Variants in BTN3A2 observed in about 807,000 individuals in gnomAD.
BTN3A2 encodes butyrophilin subfamily 3 member A2, also known as butyrophilin protein.
A neutral mutation model predicts 37.6 loss-of-function variants in BTN3A2; 25 were observed. That is an observed-to-expected ratio of 0.66 (90% CI 0.48 to 0.93). The LOEUF (loss-of-function observed/expected upper bound fraction) is 0.93. BTN3A2 is among the 40% of genes least tolerant of loss of function. BTN3A2 has a pLI of 0.00. For synonymous variants in BTN3A2, 122 were observed against 159.4 expected (o/e 0.77, Z 1.77); for missense variants, 266 against 410.9 (o/e 0.65, Z 3.05).
rs766189393 is a variant in BTN3A2, at chr6:26,377,880, C to T, written c.*2118C>T. The T allele has an allele frequency of 1.1e-4, 17 of 152,846 alleles. No homozygotes were observed. The highest frequency in any genetic ancestry group is 1.2e-4 in the Non-Finnish European group (8 of 68,576). The allele number at this position is 152,846 out of a possible 1,614,324, so 9.5% of individuals were successfully genotyped here. On this transcript the variant is annotated 3_prime_UTR_variant, in exon 11 of 11. Coordinates refer to ENST00000377708, the MANE Select transcript of BTN3A2 (RefSeq NM_007047.5). ...CAGAGTGTCTTGGTTGAGAGAATAA[C>T]GTTGCAGTTCCCACAGGGCATGTGA... is the stretch of plus-strand genomic sequence containing the variant.
At chr6:26,373,686 C>G in intron 8 of BTN3A2, 1 of 359,752 alleles carries the variant, frequency 2.8e-6, no homozygotes, top group South Asian at 1.3e-4. Flanking sequence ...CAGGGGTACA[C>G]TTCAAAAGGA....
chr6:26,375,322 C>T (rs1274906954), intron 10 of BTN3A2: 2 of 333,770 alleles, frequency 6.0e-6, no homozygotes, highest in Non-Finnish European at 1.1e-5. Flanking sequence ...GGAGCTGTCT[C>T]CACCCCTAGC....
intron 10 of BTN3A2, 121 bp downstream of exon 10, chr6:26,374,919 G>C: frequency 9.8e-7 from 1 of 1,022,082 alleles, no homozygotes; most frequent in South Asian, 1.6e-5. Flanking sequence ...TCCTTCGTGG[G>C]TAGGAAGACG....
intron 8 of BTN3A2, 100 bp downstream of exon 8, chr6:26,373,513 T>C (rs958285795): frequency 4.2e-5 from 58 of 1,384,034 alleles, no homozygotes; most frequent in Non-Finnish European, 5.4e-5. Context: ...TGAAAAGTGG[T>C]CTTGGATCCC....
chr6:26,370,733 C>T (rs1760028903), intron 5 of BTN3A2, 130 bp downstream of exon 5: 1 of 1,455,216 alleles, frequency 6.9e-7, no homozygotes. Flanking sequence ...GACCTGGAGG[C>T]TCCTCTTTGT....
At chr6:26,367,463 A>C (rs1581535660) in intron 1 of BTN3A2, among the ~76,000 whole-genome samples, 1 of 152,240 alleles carries the variant, frequency 6.6e-6, no homozygotes, top group Non-Finnish European at 1.5e-5. Context: ...CCCATGACTG[A>C]GATCATCAAG....
rs1451866567 is a variant in BTN3A2, at chr6:26,372,877, T to C, written c.716-20T>C. ...GCTGAGCGCACCAGCGCCCATGACCTACAGCTCTCCCCTTCGCAGACCCCT... is the reference window on the plus strand; with the variant it reads ...GCTGAGCGCACCAGCGCCCATGACCCACAGCTCTCCCCTTCGCAGACCCCT... On this transcript the variant is annotated intron_variant, in intron 5 of 10. Coordinates refer to ENST00000377708, the MANE Select transcript of BTN3A2 (RefSeq NM_007047.5). 1.4e-5 allele frequency: 22 copies of C among 1,612,552 alleles called. No individual in the cohort carries two copies. Among genetic ancestry groups the C allele is most frequent in the Non-Finnish European group, 1.9e-5 (22 of 1,179,934 alleles).
At position 26,376,577 on chromosome 6, in the gene BTN3A2, T is replaced by C. The variant is rs1760728591; in HGVS notation, c.*815T>C. On this transcript the variant is annotated 3_prime_UTR_variant, in exon 11 of 11. Transcript: ENST00000377708. Reference sequence around the variant, plus strand: ...ACCTCCTCAAACTCTCTGCAGCAGATGTAATTCTGTATCCAGACATGGCAA... The same window carrying C: ...ACCTCCTCAAACTCTCTGCAGCAGACGTAATTCTGTATCCAGACATGGCAA... The C allele has an allele frequency of 2.1e-6, 3 of 1,405,598 alleles. No homozygotes were observed. In the African/African-American group the frequency reaches 4.3e-5, roughly 20 times the overall value. The allele number at this position is 1,405,598 out of a possible 1,614,324, so 87.1% of individuals were successfully genotyped here.
Position 26,377,285 on chromosome 6 carries a change from GCA to G in BTN3A2, c.*1529_*1530del. 3.9e-6 allele frequency: 3 copies of G among 767,040 alleles called. No individual in the cohort carries two copies. The South Asian group carries it at 4.3e-5, about 11-fold the overall frequency. The allele number at this position is 767,040 out of a possible 1,614,324, so 47.5% of individuals were successfully genotyped here. A position where few individuals can be genotyped will look rare whatever the true frequency, so the allele number is the denominator to read the frequency against. On this transcript the variant is annotated 3_prime_UTR_variant, in exon 11 of 11. Coordinates refer to ENST00000377708, the MANE Select transcript of BTN3A2 (RefSeq NM_007047.5). Reference sequence around the variant, plus strand: ...GCCAGTCAGAACCATAAAGCTACAGGCACACACTGAAGCACTTTACTGATATT... The same window carrying G: ...GCCAGTCAGAACCATAAAGCTACAGGCACACTGAAGCACTTTACTGATATT...
chr6:26,366,311 T>C (rs1374368111), intron 1 of BTN3A2, among the ~76,000 whole-genome samples: 1 of 152,202 alleles, frequency 6.6e-6, no homozygotes, highest in African/African-American at 2.4e-5. Flanking sequence ...AATCTCTAAA[T>C]TTTTTTCTTC....
Position 26,376,559 on chromosome 6 carries a change from C to T in BTN3A2, c.*797C>T. 7.2e-7 allele frequency: 1 copy of T among 1,385,330 alleles called. No individual in the cohort carries two copies. Among genetic ancestry groups the T allele is most frequent in the Non-Finnish European group, 9.8e-7 (1 of 1,016,202 alleles). The allele number at this position is 1,385,330 out of a possible 1,614,324, so 85.8% of individuals were successfully genotyped here. ...ATGGCTGACCCCATGGACACCTCCT[C>T]AAACTCTCTGCAGCAGATGTAATTC... On this transcript the variant is annotated 3_prime_UTR_variant, in exon 11 of 11. Transcript: ENST00000377708.
intron 4 of BTN3A2, among the ~76,000 whole-genome samples, chr6:26,369,907 AG>A (rs1037099273): frequency 2.0e-5 from 3 of 152,128 alleles, no homozygotes; most frequent in Non-Finnish European, 2.9e-5. Context: ...GTTTGGTTTA[AG>A]GGGATCTCTA....
Position 26,377,659 on chromosome 6 carries a change from C to A in BTN3A2, c.*1897C>A. 1 of 179,254 alleles carries A rather than the reference C, an allele frequency of 5.6e-6. No homozygotes were observed. Among genetic ancestry groups the A allele is most frequent in the Non-Finnish European group, 1.2e-5 (1 of 83,438 alleles). 11.1% of individuals were successfully genotyped at this position (179,254 alleles called of 1,614,324 possible). A position where few individuals can be genotyped will look rare whatever the true frequency, so the allele number is the denominator to read the frequency against. On this transcript the variant is annotated 3_prime_UTR_variant, in exon 11 of 11. Transcript: ENST00000377708. The stretch of plus-strand genomic sequence containing the variant: ...CAGTTGGGAGATGTTCAGCTTCAGT[C>A]CCTGGCCAATTGCCCGTTCTTTTCC...
chr6:26,373,237 C>CTTATTTTT (rs1760306730), intron 6 of BTN3A2, 39 bp from the exon 7 acceptor site: 1 of 1,062,046 alleles, frequency 9.4e-7, no homozygotes, highest in African/African-American at 2.4e-5. Flanking sequence ...AACAGTTCAT[C>CTTATTTTT]TTTTTTTTTT....
chr6:26,375,994 C>T lies in BTN3A2; in HGVS notation c.*232C>T. ...GGCTGAGGAGGGCGGATCACAAGGTCAGGAGATCAAGACCATCCTGGCTAA... is the reference window on the plus strand; with the variant it reads ...GGCTGAGGAGGGCGGATCACAAGGTTAGGAGATCAAGACCATCCTGGCTAA... On this transcript the variant is annotated 3_prime_UTR_variant, in exon 11 of 11. Coordinates refer to ENST00000377708, the MANE Select transcript of BTN3A2 (RefSeq NM_007047.5). 1 of 813,566 alleles carries T rather than the reference C, an allele frequency of 1.2e-6. No homozygotes were observed. The highest frequency in any genetic ancestry group is 1.9e-5 in the South Asian group (1 of 52,522). 50.4% of individuals were successfully genotyped at this position (813,566 alleles called of 1,614,324 possible). A position where few individuals can be genotyped will look rare whatever the true frequency, so the allele number is the denominator to read the frequency against.
chr6:26,377,808 A>T lies in BTN3A2; in HGVS notation c.*2046A>T, dbSNP rs1479251036. On this transcript the variant is annotated 3_prime_UTR_variant, in exon 11 of 11. Transcript: ENST00000377708. ...TTAAGACCCCTATGGACTCCTTCCC[A>T]GCTGATTATCAGAGCCTTAGACCCA... is the stretch of plus-strand genomic sequence containing the variant. 6.4e-6 allele frequency: 1 copy of T among 156,982 alleles called. No homozygotes were observed. Among genetic ancestry groups the T allele is most frequent in the East Asian group, 1.9e-4 (1 of 5,298 alleles). The allele number at this position is 156,982 out of a possible 1,614,324, so 9.7% of individuals were successfully genotyped here.
chr6:26,376,215 GAAAAAAA>G lies in BTN3A2; in HGVS notation c.*468_*474del, dbSNP rs71544679. The G allele has an allele frequency of 5.5e-3, 414 of 75,434 alleles. 1 individual carries two copies. The highest frequency in any genetic ancestry group is 0.019 in the African/African-American group (366 of 19,064). 4.7% of individuals were successfully genotyped at this position (75,434 alleles called of 1,614,324 possible). On this transcript the variant is annotated 3_prime_UTR_variant, in exon 11 of 11. Coordinates refer to ENST00000377708, the MANE Select transcript of BTN3A2 (RefSeq NM_007047.5). The stretch of plus-strand genomic sequence containing the variant: ...GAGACAGAGCGAGACTCTGTCTCAA[GAAAAAAA>G]AAAAAAAAAAAAAAGAAAAGAAAAT...
Position 26,373,421 on chromosome 6 carries a change from G to C in BTN3A2, c.964+8G>C. ...AAATCCAGTACTTGACTCGTGAGTG[G>C]CTTTGACATTTTCTCTGAATTCAAA... On this transcript the variant is annotated splice_region_variant and intron_variant, in intron 8 of 10. Coordinates refer to ENST00000377708, the MANE Select transcript of BTN3A2 (RefSeq NM_007047.5). The C allele has an allele frequency of 6.3e-7, 1 of 1,598,690 alleles. No homozygotes were observed. The highest frequency in any genetic ancestry group is 1.1e-5 in the South Asian group (1 of 87,242).
chr6:26,375,628 G>A, intron 10 of BTN3A2, 169 bp from the exon 11 acceptor site: 1 of 1,496,120 alleles, frequency 6.7e-7, no homozygotes, highest in East Asian at 2.5e-5. Flanking sequence ...GCTGAAGGCT[G>A]GAGAGTGAAT....
Sources: allele counts gnomAD v4.1 joint callset (sites outside exome capture counted in the v4.1 genomes callset), GRCh38; gene constraint gnomAD v4.1.1; transcripts MANE v1.5; gene names NCBI Gene and HGNC (gene_info 2026-07-23, HGNC 2026-07-21).